Variants in DNAAF11 observed in about 807,000 individuals in gnomAD.
The protein encoded by DNAAF11 is dynein axonemal assembly factor 11.
In DNAAF11, 45 loss-of-function variants were observed where a neutral mutation model predicts 60.8. The observed-to-expected ratio is 0.74, with a 90% confidence interval of 0.58 to 0.95. The LOEUF (loss-of-function observed/expected upper bound fraction) is 0.95, where lower values mean the gene tolerates loss of function less well. DNAAF11 is among the 40% of genes least tolerant of loss of function. DNAAF11 has a pLI of 0.00. For missense variants in DNAAF11, 546 were observed against 546.2 expected (o/e 1.00, Z 0.00); for synonymous variants, 191 against 183.5 (o/e 1.04, Z -0.33).
At chr8:132,601,412 C>A (rs961384403) in intron 10 of DNAAF11, among the ~76,000 whole-genome samples, 2 of 152,172 alleles carry the variant, frequency 1.3e-5, no homozygotes, top group African/African-American at 4.8e-5. Flanking sequence ...ACCCAGTCAT[C>A]CTACTACTGG....
chr8:132,615,993 C>T lies in DNAAF11; in HGVS notation c.915-896G>A, dbSNP rs1414273686. ...TTCAATAGTCAGGCCTGTGGGACTT[C>T]TTCAGTGTCTCAAATGACCCATGCA... is the stretch of plus-strand genomic sequence containing the variant. On this transcript the variant is annotated intron_variant, in intron 7 of 11. Coordinates refer to ENST00000620350, the MANE Select transcript of DNAAF11 (RefSeq NM_012472.6). 2.0e-5 allele frequency among the ~76,000 whole-genome samples: 3 copies of T among 152,086 alleles called. No homozygotes were observed. The East Asian group carries it at 5.8e-4, about 29-fold the overall frequency.
intron 3 of DNAAF11, among the ~76,000 whole-genome samples, chr8:132,649,052 A>G (rs1191290782): frequency 6.6e-6 from 1 of 152,220 alleles, no homozygotes; most frequent in African/African-American, 2.4e-5. Context: ...AAGAGCCCGC[A>G]TTGCCAAGAC....
intron 1 of DNAAF11, among the ~76,000 whole-genome samples, chr8:132,668,252 C>T (rs1313833225): frequency 2.6e-5 from 4 of 152,270 alleles, no homozygotes; most frequent in Middle Eastern, 3.4e-3. Context: ...TCATAATGAG[C>T]GGCAACAGCC....
chr8:132,671,242 T>C (rs1472040558), intron 1 of DNAAF11, among the ~76,000 whole-genome samples: 1 of 152,138 alleles, frequency 6.6e-6, no homozygotes, highest in African/African-American at 2.4e-5. Flanking sequence ...ATATAAGATC[T>C]ATATGAAAAA....
the DNAAF11 span, among the ~76,000 whole-genome samples, chr8:132,682,437 C>A: frequency 1.3e-5 from 2 of 152,214 alleles, no homozygotes; most frequent in Admixed American, 1.3e-4. Flanking sequence ...GAATGACTGA[C>A]CACTGTCAAT....
rs879518179 is a variant in DNAAF11 at position 132,628,411 on chromosome 8, CA to C, written c.654-2958del. ...TGGGTGACAGAGTGAGACTCCATCTCAAAAAAAAAAAAGATATTCACAAATC... is the reference window on the plus strand; with the variant it reads ...TGGGTGACAGAGTGAGACTCCATCTCAAAAAAAAAAAGATATTCACAAATC... On this transcript the variant is annotated intron_variant, in intron 5 of 11. Coordinates refer to ENST00000620350, the MANE Select transcript of DNAAF11 (RefSeq NM_012472.6). Among the ~76,000 whole-genome samples, 158 of 140,954 alleles carry C rather than the reference CA, an allele frequency of 1.1e-3. 2 individuals carry two copies. The highest frequency in any genetic ancestry group is 6.9e-3 in the South Asian group (31 of 4,468). 92.5% of individuals were successfully genotyped at this position (140,954 alleles called of 152,430 possible).
the DNAAF11 span, among the ~76,000 whole-genome samples, chr8:132,682,639 T>A: frequency 6.6e-6 from 1 of 152,248 alleles, no homozygotes. Context: ...ACATTACTCT[T>A]CCAGTAGAAG....
chr8:132,697,998 C>T, the DNAAF11 span, among the ~76,000 whole-genome samples: 1 of 152,160 alleles, frequency 6.6e-6, no homozygotes, highest in Admixed American at 6.5e-5. Context: ...ATTATCACAA[C>T]ACCCCTGTGA....
intron 3 of DNAAF11, among the ~76,000 whole-genome samples, chr8:132,651,372 G>A (rs1822995152): frequency 6.6e-6 from 1 of 151,782 alleles, no homozygotes; most frequent in Admixed American, 6.6e-5. Flanking sequence ...GTGGGTTGAA[G>A]GTGTACCCCC....
chr8:132,688,082 C>T, the DNAAF11 span, among the ~76,000 whole-genome samples: 1 of 152,038 alleles, frequency 6.6e-6, no homozygotes, highest in Non-Finnish European at 1.5e-5. Context: ...AGTTTTGGTT[C>T]AAATCTGGTT....
At chr8:132,612,111 G>A (rs2130005998) in intron 8 of DNAAF11, among the ~76,000 whole-genome samples, 1 of 152,194 alleles carries the variant, frequency 6.6e-6, no homozygotes, top group Admixed American at 6.5e-5. Flanking sequence ...CAGGCTTGTG[G>A]GGAACTGGCT....
At chr8:132,660,579 C>A (rs992454285) in intron 2 of DNAAF11, among the ~76,000 whole-genome samples, 1 of 152,178 alleles carries the variant, frequency 6.6e-6, no homozygotes, top group African/African-American at 2.4e-5. Flanking sequence ...TAGAGTAACT[C>A]CACAGGCCTC....
chr8:132,618,202 T>C (rs1376361778), intron 7 of DNAAF11, among the ~76,000 whole-genome samples: 2 of 149,072 alleles, frequency 1.3e-5, no homozygotes, highest in East Asian at 4.0e-4. Flanking sequence ...GGGGAAAGGA[T>C]TCCCTATTTA....
At chr8:132,583,495 T>C (rs940890321) in intron 11 of DNAAF11, among the ~76,000 whole-genome samples, 199 bp downstream of exon 11, 3 of 152,188 alleles carry the variant, frequency 2.0e-5, no homozygotes, top group Admixed American at 6.5e-5. Context: ...GGGACCTGTA[T>C]ATACACAGAT....
At position 132,661,557 on chromosome 8, in the gene DNAAF11, CGA is replaced by C. The variant is rs769220870; in HGVS notation, c.79_80del (p.Ser27ValfsTer13). On this transcript the variant is annotated frameshift_variant, in exon 2 of 12. Transcript: ENST00000620350. LOFTEE classifies it high-confidence loss of function. ...DCVIFSLEEL[S>X]LHQQEIERLE... Reference sequence around the variant, plus strand: ...GTCTTTCTATTTCTTGCTGATGCAACGAGAGTTCCTCCAGGGAAAAAATGACA... The same window carrying C: ...GTCTTTCTATTTCTTGCTGATGCAACGAGTTCCTCCAGGGAAAAAATGACA... The C allele has an allele frequency of 9.1e-5, 147 of 1,613,846 alleles. 1 individual carries two copies. The highest frequency in any genetic ancestry group is 1.4e-5 in the Non-Finnish European group (17 of 1,179,888).
At chr8:132,591,776 T>C (rs1816492781) in intron 10 of DNAAF11, among the ~76,000 whole-genome samples, 1 of 152,032 alleles carries the variant, frequency 6.6e-6, no homozygotes, top group Non-Finnish European at 1.5e-5. Context: ...GAAATGCAAG[T>C]GAACAAAAAG....
chr8:132,584,189 G>A (rs1815640390), intron 10 of DNAAF11, among the ~76,000 whole-genome samples: 2 of 152,072 alleles, frequency 1.3e-5, no homozygotes, highest in Non-Finnish European at 1.5e-5. Context: ...TCATTCTCCC[G>A]GCTCACTGCG....
rs145970614 is a variant in DNAAF11, at chr8:132,603,225, G to C, written c.1140+6941C>G. Among the ~76,000 whole-genome samples the C allele has an allele frequency of 1.3e-3, 201 of 152,292 alleles. 3 individuals carry two copies. In the Middle Eastern group the frequency reaches 0.024, roughly 18 times the overall value. On this transcript the variant is annotated intron_variant, in intron 10 of 11. Transcript: ENST00000620350. ...TGTGATTGTTGTTCCTTGTGACTTA[G>C]TTGGCCTTTAGCAGATGACAGAGCT... is the stretch of plus-strand genomic sequence containing the variant.
chr8:132,608,595 G>T, intron 10 of DNAAF11: 1 of 375,216 alleles, frequency 2.7e-6, no homozygotes, highest in Non-Finnish European at 5.5e-6. Flanking sequence ...TTTCCCTTTA[G>T]GAATTAGCAG....
Sources: gnomAD v4.1 joint callset for allele counts (sites outside exome capture counted in the v4.1 genomes callset) on GRCh38, gnomAD v4.1.1 for gene constraint, MANE v1.5 for transcripts, NCBI Gene and HGNC (gene_info 2026-07-23, HGNC 2026-07-21) for gene names.